TBC1D5: variants seen among roughly 807,000 people sequenced by gnomAD.
The protein encoded by TBC1D5 is TBC1 domain family member 5, also known as TBC1 domain family, member 5.
In TBC1D5, 75 loss-of-function variants were observed where a neutral mutation model predicts 100.3. The observed-to-expected ratio is 0.75, with a 90% CI of 0.62 to 0.91. The LOEUF (loss-of-function observed/expected upper bound fraction) is 0.91. TBC1D5 is among the 40% of genes least tolerant of loss of function. The probability of loss-of-function intolerance (pLI) is 0.00; values close to 1 mark genes in which losing one functional copy is unlikely to be tolerated. For synonymous variants in TBC1D5, 323 were observed against 325.6 expected, an observed-to-expected ratio of 0.99 and a Z score of 0.09; for missense variants, 910 against 942.4, an observed-to-expected ratio of 0.97 and a Z score of 0.45.
chr3:17,223,069 T>A (rs1361216694), intron 17 of TBC1D5, among the ~76,000 whole-genome samples: 1 of 152,142 alleles, frequency 6.6e-6, no homozygotes, highest in Non-Finnish European at 1.5e-5. Flanking sequence ...ATATATCAAA[T>A]CTAATTATAT....
At chr3:17,317,813 G>T (rs962295506) in intron 13 of TBC1D5, among the ~76,000 whole-genome samples, 1 of 152,092 alleles carries the variant, frequency 6.6e-6, no homozygotes, top group African/African-American at 2.4e-5. Flanking sequence ...GTGGAAGTCG[G>T]TGTGGCGATT....
intron 1 of TBC1D5, among the ~76,000 whole-genome samples, chr3:17,689,172 T>C (rs777474855): frequency 1.3e-5 from 2 of 152,084 alleles, no homozygotes; most frequent in Non-Finnish European, 2.9e-5. Context: ...AACAAGTGCA[T>C]GGAGTTGGCC....
intron 2 of TBC1D5, among the ~76,000 whole-genome samples, chr3:17,543,126 G>C (rs1245481639): frequency 6.6e-6 from 1 of 152,138 alleles, no homozygotes; most frequent in Non-Finnish European, 1.5e-5. Context: ...GAATGGAAGG[G>C]AGGGGAGGGG....
At chr3:17,482,168 G>A (rs2095509735) in intron 3 of TBC1D5, among the ~76,000 whole-genome samples, 1 of 152,162 alleles carries the variant, frequency 6.6e-6, no homozygotes. Flanking sequence ...TTAAACAAGA[G>A]TCATGTATTT....
At chr3:17,383,828 A>G in intron 9 of TBC1D5, 85 bp downstream of exon 9, 1 of 1,040,072 alleles carries the variant, frequency 9.6e-7, no homozygotes, top group South Asian at 1.7e-5. Context: ...GGATACAATA[A>G]AGGCTACATT....
chr3:17,513,921 T>A (rs1341385808), intron 2 of TBC1D5, among the ~76,000 whole-genome samples: 1 of 152,186 alleles, frequency 6.6e-6, no homozygotes. Context: ...ATTGAATATC[T>A]GGTTTAAAAA....
chr3:17,250,097 CT>C (rs1268783233), intron 16 of TBC1D5, among the ~76,000 whole-genome samples: 1 of 152,190 alleles, frequency 6.6e-6, no homozygotes, highest in African/African-American at 2.4e-5. Flanking sequence ...ATGAGGTGTG[CT>C]TGTAATAATA....
At chr3:17,714,046 C>T (rs1346167011) in intron 1 of TBC1D5, among the ~76,000 whole-genome samples, 1 of 152,168 alleles carries the variant, frequency 6.6e-6, no homozygotes, top group African/African-American at 2.4e-5. Context: ...TTCCCTGGTA[C>T]AAATGGCGGC....
chr3:17,480,789 G>A (rs1436171525), intron 3 of TBC1D5, among the ~76,000 whole-genome samples: 1 of 152,184 alleles, frequency 6.6e-6, no homozygotes, highest in Non-Finnish European at 1.5e-5. Context: ...CCTACGGAAA[G>A]GAGCTACCCA....
intron 18 of TBC1D5, among the ~76,000 whole-genome samples, chr3:17,212,859 TAA>T (rs774857314): frequency 2.6e-5 from 4 of 152,152 alleles, no homozygotes; most frequent in African/African-American, 4.8e-5. Flanking sequence ...ATTAAAAAAA[TAA>T]AAGTTTATAA....
intron 2 of TBC1D5, among the ~76,000 whole-genome samples, chr3:17,609,610 G>C (rs1284326024): frequency 6.6e-6 from 1 of 152,050 alleles, no homozygotes; most frequent in East Asian, 1.9e-4. Context: ...TTGGGGGTTT[G>C]GGGAAGAAGT....
chr3:17,736,981 C>T (rs902178948), intron 1 of TBC1D5, among the ~76,000 whole-genome samples: 3 of 152,022 alleles, frequency 2.0e-5, no homozygotes, highest in Non-Finnish European at 4.4e-5. Context: ...CCACTGCACT[C>T]CAGCCTGGGT....
chr3:17,187,014 CT>C (rs1443605714), intron 18 of TBC1D5, among the ~76,000 whole-genome samples: 1 of 152,036 alleles, frequency 6.6e-6, no homozygotes, highest in African/African-American at 2.4e-5. Flanking sequence ...CATTTCAGGG[CT>C]TTTTTTCTAC....
chr3:17,511,012 G>A (rs916027218), intron 2 of TBC1D5, among the ~76,000 whole-genome samples: 9 of 151,842 alleles, frequency 5.9e-5, no homozygotes, highest in Non-Finnish European at 1.2e-4. Context: ...ATAAGTCAGT[G>A]CGACAAAAAG....
chr3:17,323,003 CA>C (rs2085627831), intron 13 of TBC1D5, among the ~76,000 whole-genome samples: 1 of 152,086 alleles, frequency 6.6e-6, no homozygotes, highest in Admixed American at 6.5e-5. Context: ...AGTTTAAAAA[CA>C]AGTATCAAAA....
At chr3:17,523,420 G>A (rs566559925) in intron 2 of TBC1D5, among the ~76,000 whole-genome samples, 1 of 152,154 alleles carries the variant, frequency 6.6e-6, no homozygotes, top group African/African-American at 2.4e-5. Flanking sequence ...ATTAAAAGGA[G>A]CTCTAACTCT....
intron 2 of TBC1D5, among the ~76,000 whole-genome samples, chr3:17,596,535 G>A (rs902481903): frequency 6.6e-6 from 1 of 150,900 alleles, no homozygotes; most frequent in African/African-American, 2.4e-5. Context: ...GGCTAGGCTG[G>A]TCTTGAACTC....
At chr3:17,274,028 A>G (rs79864702) in intron 15 of TBC1D5, among the ~76,000 whole-genome samples, 1 of 146,812 alleles carries the variant, frequency 6.8e-6, no homozygotes, top group Admixed American at 6.8e-5. Context: ...AAAAAAAAAA[A>G]GAAGGAAGAA....
chr3:17,489,396 A>C (rs1035385976), intron 3 of TBC1D5, among the ~76,000 whole-genome samples: 1 of 152,164 alleles, frequency 6.6e-6, no homozygotes, highest in Admixed American at 6.5e-5. Flanking sequence ...ATAAACACTT[A>C]GAAGGGTTGA....
Sources: allele counts gnomAD v4.1 joint callset (sites outside exome capture counted in the v4.1 genomes callset), GRCh38; gene constraint gnomAD v4.1.1; transcripts MANE v1.5; gene names NCBI Gene and HGNC (gene_info 2026-07-23, HGNC 2026-07-21).